The following NPAS3 variants were observed in gnomAD, a reference collection of about 807,000 sequenced individuals.
The protein encoded by NPAS3 is neuronal PAS domain protein 3.
In NPAS3, 14 loss-of-function variants were observed where a neutral mutation model predicts 73.1. The observed-to-expected ratio is 0.19, with a 90% CI of 0.13 to 0.30. The LOEUF (loss-of-function observed/expected upper bound fraction) is 0.30, where lower values mean the gene tolerates loss of function less well. Among genes scored for constraint, NPAS3 ranks in the 10% least tolerant of loss-of-function variants. The pLI is 1.00. For missense variants in NPAS3, 1,096 were observed against 1,250.0 expected (o/e 0.88, Z 1.86); for synonymous variants, 620 against 541.5 (o/e 1.14, Z -2.01).
At chr14:33,398,506 A>G (rs1218799745) in intron 4 of NPAS3, among the ~76,000 whole-genome samples, 1 of 151,702 alleles carries the variant, frequency 6.6e-6, no homozygotes, top group Non-Finnish European at 1.5e-5. Context: ...TCTTAGTAAT[A>G]TGTCCTAAGA....
upstream of NPAS3, among the ~76,000 whole-genome samples, chr14:32,938,486 T>TGAGACAGAGAGAGAGAGAGAGA (rs2035786628): frequency 1.8e-5 from 1 of 55,906 alleles, no homozygotes; most frequent in Non-Finnish European, 3.3e-5. Context: ...AGAGAGAAAT[T>TGAGACAGAGAGAGAGAGAGAGA]GAGAGAGAGA....
chr14:33,388,861 G>A (rs1035435404), intron 4 of NPAS3, among the ~76,000 whole-genome samples: 13 of 152,112 alleles, frequency 8.5e-5, no homozygotes, highest in Non-Finnish European at 1.3e-4. Flanking sequence ...GGAGTGACAC[G>A]TGAATTAAGT....
chr14:33,048,815 CACTT>C (rs2040602702), intron 1 of NPAS3, among the ~76,000 whole-genome samples: 1 of 152,220 alleles, frequency 6.6e-6, no homozygotes. Flanking sequence ...GGTGTTCTAA[CACTT>C]ACTGGATGAA....
chr14:33,080,440 C>A (rs2041831091), intron 2 of NPAS3, among the ~76,000 whole-genome samples: 1 of 152,018 alleles, frequency 6.6e-6, no homozygotes, highest in African/African-American at 2.4e-5. Context: ...AAAGTAAGAC[C>A]CAAATATGTA....
intron 2 of NPAS3, among the ~76,000 whole-genome samples, chr14:33,199,217 C>T (rs2046513626): frequency 6.6e-6 from 1 of 152,202 alleles, no homozygotes; most frequent in Non-Finnish European, 1.5e-5. Flanking sequence ...AAGGGCTCCT[C>T]AAGCGTGGCC....
At chr14:33,146,675 C>T (rs527538206) in intron 2 of NPAS3, among the ~76,000 whole-genome samples, 2 of 152,280 alleles carry the variant, frequency 1.3e-5, no homozygotes, top group Non-Finnish European at 2.9e-5. Context: ...ATCTTATTCA[C>T]CTTTGCAGTA....
intron 4 of NPAS3, among the ~76,000 whole-genome samples, chr14:33,557,466 C>T (rs1158907642): frequency 6.6e-6 from 1 of 152,118 alleles, no homozygotes; most frequent in Non-Finnish European, 1.5e-5. Context: ...GTACAGGCTG[C>T]CTCTTAGGGT....
At chr14:33,174,107 A>G (rs1298363735) in intron 2 of NPAS3, among the ~76,000 whole-genome samples, 2 of 152,214 alleles carry the variant, frequency 1.3e-5, no homozygotes, top group African/African-American at 4.8e-5. Context: ...TTAAAATTTT[A>G]CAACTAATTG....
At chr14:33,773,453 T>C (rs1254277335) in intron 7 of NPAS3, among the ~76,000 whole-genome samples, 1 of 152,288 alleles carries the variant, frequency 6.6e-6, no homozygotes, top group Non-Finnish European at 1.5e-5. Context: ...ACCTAAGGCA[T>C]AGTGGCACAA....
chr14:33,239,371 T>G (rs1454123428), intron 3 of NPAS3, among the ~76,000 whole-genome samples: 1 of 151,894 alleles, frequency 6.6e-6, no homozygotes, highest in Non-Finnish European at 1.5e-5. Flanking sequence ...CTAAGTGATG[T>G]TTGAATTCAA....
intron 1 of NPAS3, among the ~76,000 whole-genome samples, chr14:32,957,024 G>A (rs1269300026): frequency 1.3e-5 from 2 of 152,126 alleles, no homozygotes; most frequent in African/African-American, 2.4e-5. Flanking sequence ...TTGGTGTGGC[G>A]CCTTAGCATG....
chr14:33,191,884 T>G (rs1194847179), intron 2 of NPAS3, among the ~76,000 whole-genome samples: 1 of 152,226 alleles, frequency 6.6e-6, no homozygotes, highest in Non-Finnish European at 1.5e-5. Flanking sequence ...CTTCTCAAAT[T>G]TACCACAACA....
At chr14:33,217,248 C>G (rs2047259478) in intron 3 of NPAS3, among the ~76,000 whole-genome samples, 1 of 152,086 alleles carries the variant, frequency 6.6e-6, no homozygotes, top group African/African-American at 2.4e-5. Flanking sequence ...GCTCCCTTTC[C>G]TGACACGTGG....
intron 6 of NPAS3, among the ~76,000 whole-genome samples, chr14:33,696,066 A>G (rs1374845231): frequency 6.6e-6 from 1 of 152,222 alleles, no homozygotes; most frequent in Admixed American, 6.5e-5. Context: ...TCATGATTAG[A>G]GTACCAAAGT....
chr14:33,517,918 C>G (rs1044894381), intron 4 of NPAS3, among the ~76,000 whole-genome samples: 1 of 151,940 alleles, frequency 6.6e-6, no homozygotes, highest in African/African-American at 2.4e-5. Context: ...AATCTGATTC[C>G]AAATCCTCGG....
chr14:33,792,793 G>T (rs2063398085), intron 9 of NPAS3, among the ~76,000 whole-genome samples: 1 of 152,184 alleles, frequency 6.6e-6, no homozygotes, highest in African/African-American at 2.4e-5. Context: ...GCAGTTAGAG[G>T]TTTTTCATTT....
chr14:33,799,996 C>A, exon 12 of NPAS3: 1 of 1,613,086 alleles, frequency 6.2e-7, no homozygotes. Flanking sequence ...ACGTGGAGAG[C>A]GAGTCGGACC....
chr14:33,234,866 G>C (rs2047976966), intron 3 of NPAS3, among the ~76,000 whole-genome samples: 1 of 152,060 alleles, frequency 6.6e-6, no homozygotes, highest in African/African-American at 2.4e-5. Flanking sequence ...CTCATCATCT[G>C]TAAGCATTTG....
intron 3 of NPAS3, among the ~76,000 whole-genome samples, chr14:33,313,280 G>T (rs2043078534): frequency 6.6e-6 from 1 of 152,044 alleles, no homozygotes; most frequent in African/African-American, 2.4e-5. Flanking sequence ...TCTATCATTT[G>T]AATCCCCTGA....
Sources: allele counts gnomAD v4.1 joint callset (sites outside exome capture counted in the v4.1 genomes callset), GRCh38; gene constraint gnomAD v4.1.1; transcripts MANE v1.5; gene names NCBI Gene and HGNC (gene_info 2026-07-23, HGNC 2026-07-21).